The following TMEFF2 variants were observed in gnomAD, a reference collection of about 807,000 sequenced individuals.
The protein encoded by TMEFF2 is tomoregulin-2.
In TMEFF2, 28 loss-of-function variants were observed where a neutral mutation model predicts 53.8. The ratio of observed to expected loss-of-function variants is 0.52; its 90% CI spans 0.39 to 0.71. The LOEUF is 0.71. TMEFF2 is among the 30% of genes least tolerant of loss of function. The pLI, the probability that TMEFF2 is intolerant of heterozygous loss-of-function variation, is 0.00. For synonymous variants in TMEFF2, 162 were observed against 166.3 expected (o/e 0.97, Z 0.20); for missense variants, 353 against 455.2 (o/e 0.78, Z 2.04).
At chr2:192,001,916 A>G (rs1686372807) in intron 5 of TMEFF2, among the ~76,000 whole-genome samples, 1 of 152,228 alleles carries the variant, frequency 6.6e-6, no homozygotes, top group African/African-American at 2.4e-5. Context: ...ATTGAATTGG[A>G]CTGGTTAGAA....
intron 4 of TMEFF2, among the ~76,000 whole-genome samples, chr2:192,086,187 A>G (rs1160629641): frequency 6.6e-6 from 1 of 152,196 alleles, no homozygotes; most frequent in Non-Finnish European, 1.5e-5. Flanking sequence ...AACTGATAGC[A>G]TCTAAGCTTT....
intron 5 of TMEFF2, among the ~76,000 whole-genome samples, chr2:192,022,314 A>G (rs1308535431): frequency 1.3e-5 from 2 of 152,146 alleles, no homozygotes; most frequent in African/African-American, 2.4e-5. Context: ...GAAGGCTAGG[A>G]GAGAGAGATA....
rs1224438786 is a variant in TMEFF2 at position 191,950,192 on chromosome 2, G to GTAGAT, written c.*114_*118dup. On this transcript the variant is annotated 3_prime_UTR_variant, in exon 10 of 10. Transcript: ENST00000272771. ...AGCTGTAGTACATGTTTTCATTGGT[G>GTAGAT]TAGATTACCACAAATGCAAGGCAAC... The GTAGAT allele has an allele frequency of 1.3e-6, 2 of 1,519,596 alleles. No homozygotes were observed. Among genetic ancestry groups the GTAGAT allele is most frequent in the Admixed American group, 4.3e-5 (2 of 46,278 alleles). The allele number at this position is 1,519,596 out of a possible 1,614,324, so 94.1% of individuals were successfully genotyped here.
intron 8 of TMEFF2, 151 bp from the exon 9 acceptor site, chr2:191,953,988 C>T (rs904219898): frequency 3.0e-5 from 18 of 600,870 alleles, no homozygotes; most frequent in South Asian, 1.7e-4. Flanking sequence ...TCCGGGTTCA[C>T]GCCATTCTCC....
intron 5 of TMEFF2, among the ~76,000 whole-genome samples, chr2:192,019,500 T>G (rs1349975591): frequency 6.7e-6 from 1 of 148,504 alleles, no homozygotes; most frequent in Non-Finnish European, 1.5e-5. Context: ...AAAAGATAAC[T>G]CTACTATAAT....
At chr2:191,963,041 T>TGTAA (rs1692317055) in intron 7 of TMEFF2, among the ~76,000 whole-genome samples, 1 of 152,196 alleles carries the variant, frequency 6.6e-6, no homozygotes, top group Admixed American at 6.5e-5. Context: ...ACAACATTTC[T>TGTAA]GTAAGTATCA....
intron 4 of TMEFF2, among the ~76,000 whole-genome samples, chr2:192,132,031 C>T (rs1394482985): frequency 2.0e-5 from 3 of 151,954 alleles, no homozygotes; most frequent in African/African-American, 7.3e-5. Context: ...CCGCCTGTCC[C>T]CTCAGTCCCA....
intron 5 of TMEFF2, among the ~76,000 whole-genome samples, chr2:192,032,961 T>G (rs80259601): frequency 1.3e-5 from 2 of 152,194 alleles, no homozygotes; most frequent in African/African-American, 2.4e-5. Context: ...TTTTCTTGGT[T>G]TAAGCTCTTT....
chr2:192,142,234 G>T (rs1365210081), intron 4 of TMEFF2, among the ~76,000 whole-genome samples: 1 of 151,880 alleles, frequency 6.6e-6, no homozygotes, highest in Non-Finnish European at 1.5e-5. Flanking sequence ...TTAAATCTTG[G>T]ATTCTCCTAG....
chr2:192,011,247 T>G (rs1455807887), intron 5 of TMEFF2, among the ~76,000 whole-genome samples: 1 of 152,190 alleles, frequency 6.6e-6, no homozygotes, highest in Non-Finnish European at 1.5e-5. Context: ...ATTTACTGAT[T>G]GGAAGGACAT....
intron 5 of TMEFF2, among the ~76,000 whole-genome samples, chr2:192,037,607 TGAGAGAGAAAGAGAGAGAGGAGAGAAA>T (rs1253126094): frequency 4.9e-4 from 62 of 127,134 alleles, no homozygotes; most frequent in African/African-American, 1.7e-3. Flanking sequence ...TGTGCGTGTG[TGAGAGAGAAAGAGAGAGAGGAGAGAAA>T]GAGAGAGAAA....
chr2:191,976,778 A>G lies in TMEFF2; in HGVS notation c.746-20400T>C, dbSNP rs1195306783. 2.0e-5 allele frequency among the ~76,000 whole-genome samples: 3 copies of G among 152,230 alleles called. No individual in the cohort carries two copies. In the East Asian group the frequency reaches 5.8e-4, roughly 29 times the overall value. Reference sequence around the variant, plus strand: ...GACTCCGGGTGGAAGGTGGGGAGTGAAGACCTCCATTTAAAACGGGTGAAA... The same window carrying G: ...GACTCCGGGTGGAAGGTGGGGAGTGGAGACCTCCATTTAAAACGGGTGAAA... On this transcript the variant is annotated intron_variant, in intron 7 of 9. Coordinates refer to ENST00000272771, the MANE Select transcript of TMEFF2 (RefSeq NM_016192.4).
intron 5 of TMEFF2, among the ~76,000 whole-genome samples, chr2:192,005,566 A>G (rs1686480107): frequency 6.6e-6 from 1 of 152,150 alleles, no homozygotes; most frequent in African/African-American, 2.4e-5. Context: ...ACCATACAAT[A>G]TTCCTAGTTA....
intron 4 of TMEFF2, among the ~76,000 whole-genome samples, chr2:192,069,491 T>C (rs1688237361): frequency 6.6e-6 from 1 of 151,192 alleles, no homozygotes; most frequent in Non-Finnish European, 1.5e-5. Flanking sequence ...AAAGAAGACA[T>C]GCCCATCTTA....
chr2:192,084,257 A>G (rs997450232), intron 4 of TMEFF2, among the ~76,000 whole-genome samples: 1 of 152,186 alleles, frequency 6.6e-6, no homozygotes, highest in Non-Finnish European at 1.5e-5. Flanking sequence ...ATTTCTCATC[A>G]AAACACCCGC....
intron 9 of TMEFF2, among the ~76,000 whole-genome samples, chr2:191,951,268 C>CAAGTGGCAGCTAGAGATAAA (rs1553506350): frequency 2.7e-5 from 4 of 147,702 alleles, no homozygotes; most frequent in Non-Finnish European, 6.1e-5. Context: ...ACATTCCCAG[C>CAAGTGGCAGCTAGAGATAAA]AAATGGCAGC....
At chr2:192,161,242 C>T (rs1322186075) in intron 4 of TMEFF2, among the ~76,000 whole-genome samples, 1 of 152,090 alleles carries the variant, frequency 6.6e-6, no homozygotes, top group Non-Finnish European at 1.5e-5. Flanking sequence ...GATCTTGGCT[C>T]AGTGCAACCT....
intron 5 of TMEFF2, among the ~76,000 whole-genome samples, chr2:192,008,893 C>T (rs376161305): frequency 6.6e-6 from 1 of 152,176 alleles, no homozygotes; most frequent in South Asian, 2.1e-4. Flanking sequence ...TGTGTATGAA[C>T]ATCATTACAG....
rs202034868 is a variant in TMEFF2 at position 192,096,385 on chromosome 2, A to AG, written c.440-38611dup. ...GTGATTTAAAGGGTACTATTATAAG[A>AG]GGTTTCTTTAAAATGTCATTTGGAA... On this transcript the variant is annotated intron_variant, in intron 4 of 9. Coordinates refer to ENST00000272771, the MANE Select transcript of TMEFF2 (RefSeq NM_016192.4). Among the ~76,000 whole-genome samples the AG allele has an allele frequency of 4.7e-3, 722 of 152,262 alleles. 4 individuals carry two copies. The Middle Eastern group carries it at 0.048, about 10-fold the overall frequency.
Sources: allele counts gnomAD v4.1 joint callset (sites outside exome capture counted in the v4.1 genomes callset), GRCh38; gene constraint gnomAD v4.1.1; transcripts MANE v1.5; gene names NCBI Gene and HGNC (gene_info 2026-07-23, HGNC 2026-07-21).